The following KHDRBS2 variants were observed in gnomAD, a reference collection of about 807,000 sequenced individuals.
KHDRBS2 encodes KH domain-containing, RNA-binding, signal transduction-associated protein 2.
Under a neutral mutation model 44.3 loss-of-function variants are expected in KHDRBS2, and 26 were observed. The ratio of observed to expected loss-of-function variants is 0.59; its 90% CI spans 0.43 to 0.81. The LOEUF (loss-of-function observed/expected upper bound fraction) is 0.81, where lower values mean the gene tolerates loss of function less well. KHDRBS2 is among the 40% of genes least tolerant of loss of function. KHDRBS2 has a pLI of 0.00. For synonymous variants in KHDRBS2, 194 were observed against 151.1 expected (o/e 1.28, Z -2.08); for missense variants, 476 against 433.1 (o/e 1.10, Z -0.88).
chr6:61,672,531 T>A, the KHDRBS2 span, among the ~76,000 whole-genome samples: 1 of 151,978 alleles, frequency 6.6e-6, no homozygotes, highest in Non-Finnish European at 1.5e-5. Flanking sequence ...TTTCAATGAT[T>A]GCCATTCTAA....
chr6:61,682,235 G>GT, intron 8 of KHDRBS2, among the ~76,000 whole-genome samples: 1 of 151,792 alleles, frequency 6.6e-6, no homozygotes, highest in Non-Finnish European at 1.5e-5. Context: ...AATCTACTAT[G>GT]TAGAAAAATG....
intron 4 of KHDRBS2, among the ~76,000 whole-genome samples, chr6:61,908,203 T>A (rs1309803434): frequency 1.3e-5 from 2 of 151,996 alleles, no homozygotes; most frequent in Admixed American, 6.6e-5. Flanking sequence ...CCTGGAGAGA[T>A]AAAGAGTTAG....
At chr6:62,136,483 A>G (rs1398424318) in intron 2 of KHDRBS2, among the ~76,000 whole-genome samples, 1 of 152,218 alleles carries the variant, frequency 6.6e-6, no homozygotes, top group Non-Finnish European at 1.5e-5. Context: ...TACCATTAAT[A>G]CATTTTATTC....
the KHDRBS2 span, among the ~76,000 whole-genome samples, chr6:61,600,354 C>T: frequency 3.9e-5 from 6 of 152,140 alleles, no homozygotes; most frequent in Non-Finnish European, 8.8e-5. Flanking sequence ...CAGTCCCTGC[C>T]TTAAGTGATG....
At chr6:62,182,248 GGAA>G in intron 1 of KHDRBS2, among the ~76,000 whole-genome samples, 1 of 151,920 alleles carries the variant, frequency 6.6e-6, no homozygotes, top group Non-Finnish European at 1.5e-5. Context: ...TTATATATGA[GGAA>G]TCTACAATAG....
At chr6:61,871,568 T>C (rs1217418030) in intron 6 of KHDRBS2, among the ~76,000 whole-genome samples, 2 of 152,014 alleles carry the variant, frequency 1.3e-5, no homozygotes, top group Non-Finnish European at 2.9e-5. Flanking sequence ...TTCACCAAGG[T>C]TGAAATGAAG....
chr6:62,064,843 C>T (rs375485134), intron 2 of KHDRBS2, among the ~76,000 whole-genome samples: 1 of 150,832 alleles, frequency 6.6e-6, no homozygotes. Context: ...AGTGAACAGG[C>T]AACCTACAAA....
chr6:61,650,373 C>T, the KHDRBS2 span, among the ~76,000 whole-genome samples: 2 of 150,294 alleles, frequency 1.3e-5, no homozygotes, highest in South Asian at 2.1e-4. Flanking sequence ...GATTCTTTGT[C>T]TGTCATGCCT....
At chr6:61,988,056 A>G (rs914492812) in intron 3 of KHDRBS2, among the ~76,000 whole-genome samples, 1 of 152,202 alleles carries the variant, frequency 6.6e-6, no homozygotes, top group African/African-American at 2.4e-5. Context: ...GGTTAGTGCC[A>G]AACACAAGTG....
chr6:62,160,553 G>GA (rs997023533), intron 2 of KHDRBS2, among the ~76,000 whole-genome samples: 2 of 152,088 alleles, frequency 1.3e-5, no homozygotes, highest in African/African-American at 2.4e-5. Context: ...TAAAATGGAG[G>GA]ACCACTGGAA....
chr6:61,790,749 G>A (rs1448105719), intron 6 of KHDRBS2, among the ~76,000 whole-genome samples: 1 of 151,480 alleles, frequency 6.6e-6, no homozygotes, highest in East Asian at 1.9e-4. Context: ...TGCTCCTCAG[G>A]TTTTGACATC....
the KHDRBS2 span, among the ~76,000 whole-genome samples, chr6:61,553,697 T>A: frequency 6.6e-6 from 1 of 152,164 alleles, no homozygotes; most frequent in African/African-American, 2.4e-5. Flanking sequence ...TGGTATGTTA[T>A]ATCTTTGTTC....
intron 2 of KHDRBS2, among the ~76,000 whole-genome samples, chr6:62,117,320 T>C (rs547616503): frequency 1.3e-5 from 2 of 152,308 alleles, no homozygotes; most frequent in South Asian, 2.1e-4. Context: ...TGATATTTCA[T>C]TGTGGTTTTG....
chr6:61,813,927 A>G (rs570892428), intron 6 of KHDRBS2: 14 of 455,908 alleles, frequency 3.1e-5, no homozygotes, highest in South Asian at 6.2e-5. Context: ...CTTACCTCTT[A>G]TTATTGTTCA....
At chr6:61,859,353 C>A (rs1428127143) in intron 6 of KHDRBS2, among the ~76,000 whole-genome samples, 1 of 151,692 alleles carries the variant, frequency 6.6e-6, no homozygotes, top group Non-Finnish European at 1.5e-5. Flanking sequence ...AAAAATCCCA[C>A]AAAATGTTAA....
At chr6:61,954,388 CATATATACGTATGTATGCATGCAT>C (rs1765533427) in intron 4 of KHDRBS2, among the ~76,000 whole-genome samples, 2 of 139,066 alleles carry the variant, frequency 1.4e-5, no homozygotes, top group Non-Finnish European at 3.2e-5. Context: ...TGCATGCATA[CATATATACGTATGTATGCATGCAT>C]ACATATATAC....
intron 7 of KHDRBS2, among the ~76,000 whole-genome samples, chr6:61,705,834 C>T (rs2127548001): frequency 6.6e-6 from 1 of 151,922 alleles, no homozygotes; most frequent in South Asian, 2.1e-4. Context: ...GAAGCTTTCT[C>T]AGATACCCAA....
the KHDRBS2 span, among the ~76,000 whole-genome samples, chr6:61,600,599 G>T: frequency 3.3e-5 from 5 of 152,078 alleles, no homozygotes; most frequent in Non-Finnish European, 7.3e-5. Flanking sequence ...CTCACACAAA[G>T]CCTGTTTGGT....
At chr6:61,937,175 G>C (rs956049110) in intron 4 of KHDRBS2, among the ~76,000 whole-genome samples, 1 of 151,666 alleles carries the variant, frequency 6.6e-6, no homozygotes. Flanking sequence ...ATTCTAAATT[G>C]TGTCTGGTTC....
Sources: gnomAD v4.1 joint callset for allele counts (sites outside exome capture counted in the v4.1 genomes callset) on GRCh38, gnomAD v4.1.1 for gene constraint, MANE v1.5 for transcripts, NCBI Gene and HGNC (gene_info 2026-07-23, HGNC 2026-07-21) for gene names.